The following CNTNAP2 variants were observed in gnomAD, a reference collection of about 807,000 sequenced individuals.
The protein encoded by CNTNAP2 is contactin associated protein 2, also known as contactin-associated protein-like 2.
A neutral mutation model predicts 155.2 loss-of-function variants in CNTNAP2; 98 were observed. The ratio of observed to expected loss-of-function variants is 0.63; its 90% CI spans 0.54 to 0.75. CNTNAP2 has a LOEUF of 0.75. CNTNAP2 is among the 30% of genes least tolerant of loss of function. The probability of loss-of-function intolerance (pLI) is 0.00; values close to 1 mark genes in which losing one functional copy is unlikely to be tolerated. For synonymous variants in CNTNAP2, 651 were observed against 631.2 expected (o/e 1.03, Z -0.47); for missense variants, 1,727 against 1,688.1 (o/e 1.02, Z -0.40).
At chr7:147,545,552 A>G (rs1360018080) in intron 11 of CNTNAP2, among the ~76,000 whole-genome samples, 1 of 152,164 alleles carries the variant, frequency 6.6e-6, no homozygotes, top group Non-Finnish European at 1.5e-5. Flanking sequence ...GGCTCTTCTG[A>G]ATAATTCTTT....
At chr7:146,323,915 T>C (rs1437227102) in intron 1 of CNTNAP2, among the ~76,000 whole-genome samples, 1 of 152,214 alleles carries the variant, frequency 6.6e-6, no homozygotes, top group Non-Finnish European at 1.5e-5. Context: ...AAAGTTTATC[T>C]TTGATGTAAT....
chr7:147,792,541 T>C (rs528906702), intron 13 of CNTNAP2, among the ~76,000 whole-genome samples: 1 of 152,232 alleles, frequency 6.6e-6, no homozygotes, highest in South Asian at 2.1e-4. Flanking sequence ...AGTACTTCAT[T>C]CCTTTTATTG....
intron 11 of CNTNAP2, among the ~76,000 whole-genome samples, chr7:147,544,833 T>C (rs1480481533): frequency 6.6e-6 from 1 of 152,142 alleles, no homozygotes; most frequent in Non-Finnish European, 1.5e-5. Context: ...CCGGTTTTGC[T>C]TGGCTCTCAT....
Position 147,402,146 on chromosome 7 carries a change from G to A in CNTNAP2, c.1670+6366G>A, listed in dbSNP as rs752399975. On this transcript the variant is annotated intron_variant, in intron 10 of 23. Coordinates refer to ENST00000361727, the MANE Select transcript of CNTNAP2 (RefSeq NM_014141.6). ...TCACTCCTCCTTTCCGTGTATATTC[G>A]GTCAACATGGGAGTTGATCTCAGTC... Among the ~76,000 whole-genome samples, 3 of 152,088 alleles carry A rather than the reference G, an allele frequency of 2.0e-5. No homozygotes were observed. The South Asian group carries it at 6.2e-4, about 32-fold the overall frequency.
At chr7:146,593,133 T>C (rs1343257505) in intron 1 of CNTNAP2, among the ~76,000 whole-genome samples, 5 of 151,636 alleles carry the variant, frequency 3.3e-5, no homozygotes, top group Non-Finnish European at 5.9e-5. Flanking sequence ...GGGGTATAGT[T>C]ACCCTGTTTA....
chr7:146,904,521 G>A (rs1796077142), intron 3 of CNTNAP2, among the ~76,000 whole-genome samples: 1 of 152,116 alleles, frequency 6.6e-6, no homozygotes, highest in Non-Finnish European at 1.5e-5. Context: ...ACCCAGGCTG[G>A]AGCACAGTGG....
chr7:147,110,250 G>A (rs2129280033), intron 5 of CNTNAP2, among the ~76,000 whole-genome samples: 1 of 152,200 alleles, frequency 6.6e-6, no homozygotes, highest in Non-Finnish European at 1.5e-5. Flanking sequence ...CAAGACCAAT[G>A]TATGTTTGTA....
intron 1 of CNTNAP2, among the ~76,000 whole-genome samples, chr7:146,747,311 AAG>A (rs1443936092): frequency 6.6e-6 from 1 of 152,146 alleles, no homozygotes; most frequent in Non-Finnish European, 1.5e-5. Context: ...AAAAGGACCT[AAG>A]AGAGATTAAG....
chr7:147,263,518 C>T (rs1804540396), intron 8 of CNTNAP2, among the ~76,000 whole-genome samples: 1 of 152,106 alleles, frequency 6.6e-6, no homozygotes, highest in Non-Finnish European at 1.5e-5. Flanking sequence ...AAAACATAAA[C>T]AAAACAACAC....
At chr7:146,476,993 A>T (rs1261393868) in intron 1 of CNTNAP2, among the ~76,000 whole-genome samples, 2 of 152,200 alleles carry the variant, frequency 1.3e-5, no homozygotes, top group Non-Finnish European at 2.9e-5. Context: ...TTAAAGTAAG[A>T]TTGCTAGTGC....
intron 4 of CNTNAP2, among the ~76,000 whole-genome samples, chr7:147,106,399 G>A (rs956614112): frequency 6.6e-6 from 1 of 152,076 alleles, no homozygotes; most frequent in African/African-American, 2.4e-5. Context: ...TTAAGCTGAA[G>A]TTTAATTGGC....
chr7:146,912,245 G>T (rs1562998722), intron 3 of CNTNAP2, among the ~76,000 whole-genome samples: 1 of 149,796 alleles, frequency 6.7e-6, no homozygotes, highest in Non-Finnish European at 1.5e-5. Context: ...TTGCTGACAG[G>T]TGCTTCTAAA....
intron 2 of CNTNAP2, among the ~76,000 whole-genome samples, chr7:146,835,688 G>T (rs111511869): frequency 0.02 from 3,002 of 152,258 alleles, 43 homozygotes; most frequent in Middle Eastern, 0.041. Flanking sequence ...GTCCCAAGAG[G>T]TACTGCAGAC....
intron 1 of CNTNAP2, among the ~76,000 whole-genome samples, chr7:146,437,731 T>C (rs1041118084): frequency 1.3e-5 from 2 of 151,650 alleles, no homozygotes; most frequent in Admixed American, 6.6e-5. Context: ...AATATATTAA[T>C]GCCTGCTAAA....
At chr7:146,466,792 G>A (rs1007602469) in intron 1 of CNTNAP2, among the ~76,000 whole-genome samples, 11 of 152,132 alleles carry the variant, frequency 7.2e-5, no homozygotes, top group African/African-American at 2.7e-4. Flanking sequence ...TAATTGACAA[G>A]CAACTAATTA....
intron 10 of CNTNAP2, among the ~76,000 whole-genome samples, chr7:147,441,576 T>C (rs1797635874): frequency 6.6e-6 from 1 of 152,108 alleles, no homozygotes; most frequent in African/African-American, 2.4e-5. Flanking sequence ...GTTTTTGCAG[T>C]ATTGGCTTGT....
In CNTNAP2 at chr7:146,839,839, T is replaced by C; in HGVS notation, c.337T>C (p.Tyr113His). 2 of 1,614,064 alleles carry C rather than the reference T, an allele frequency of 1.2e-6. No homozygotes were observed. The highest frequency in any genetic ancestry group is 1.7e-6 in the Non-Finnish European group (2 of 1,180,006). The change falls in exon 3 of 24, where the codon TAC becomes CAC. Residue 113 changes from tyrosine (Y) to histidine (H), a missense_variant. Transcript: ENST00000361727. ...RYSSSDWVTQ[Y>H]RMLYSDTGRN... ...TAGCAGCTCAGATTGGGTGACCCAA[T>C]ACCGGATGCTCTACAGCGACACAGG...
chr7:146,919,171 AT>A (rs1796450622), intron 3 of CNTNAP2, among the ~76,000 whole-genome samples: 1 of 152,034 alleles, frequency 6.6e-6, no homozygotes, highest in Non-Finnish European at 1.5e-5. Flanking sequence ...GACCTTCTGA[AT>A]GGTTTTTCTG....
intron 1 of CNTNAP2, among the ~76,000 whole-genome samples, chr7:146,383,404 G>C (rs1489290677): frequency 6.6e-6 from 1 of 152,128 alleles, no homozygotes; most frequent in South Asian, 2.1e-4. Flanking sequence ...CAAAATGGGA[G>C]TCAGGTAGCT....
Sources: gnomAD v4.1 joint callset for allele counts (sites outside exome capture counted in the v4.1 genomes callset) on GRCh38, gnomAD v4.1.1 for gene constraint, MANE v1.5 for transcripts, NCBI Gene and HGNC (gene_info 2026-07-23, HGNC 2026-07-21) for gene names.